WIPF1: variants seen among roughly 807,000 people sequenced by gnomAD.
The protein encoded by WIPF1 is WAS/WASL-interacting protein family member 1.
A neutral mutation model predicts 35.4 loss-of-function variants in WIPF1; 13 were observed. The observed-to-expected ratio is 0.37, with a 90% CI of 0.24 to 0.58. The LOEUF (loss-of-function observed/expected upper bound fraction) is 0.58. WIPF1 is among the 20% of genes least tolerant of loss of function. The pLI is 0.74. For synonymous variants in WIPF1, 267 were observed against 266.3 expected (o/e 1.00, Z -0.02); for missense variants, 591 against 667.0 (o/e 0.89, Z 1.25).
At chr2:174,647,496 C>T (rs1299295274) in intron 1 of WIPF1, among the ~76,000 whole-genome samples, 1 of 152,036 alleles carries the variant, frequency 6.6e-6, no homozygotes, top group African/African-American at 2.4e-5. Flanking sequence ...GCCTCAGCCT[C>T]CTGAGTAGCT....
intron 1 of WIPF1, among the ~76,000 whole-genome samples, chr2:174,682,598 G>A (rs1312672087): frequency 6.6e-6 from 1 of 151,598 alleles, no homozygotes; most frequent in Admixed American, 6.6e-5. Context: ...GAGGCCGCGC[G>A]CCCGCGCCCA....
At chr2:174,643,716 A>G (rs1687345247) in intron 1 of WIPF1, among the ~76,000 whole-genome samples, 1 of 151,944 alleles carries the variant, frequency 6.6e-6, no homozygotes, top group Non-Finnish European at 1.5e-5. Context: ...GGCCTGTATT[A>G]TTTTATTTGT....
At chr2:174,595,107 AAAATATATATATATATAT>A (rs1395148956) in intron 1 of WIPF1, among the ~76,000 whole-genome samples, 1 of 37,874 alleles carries the variant, frequency 2.6e-5, no homozygotes, top group African/African-American at 9.8e-5. Flanking sequence ...AAAAAAAAAA[AAAATATATATATATATAT>A]ATATATATAT....
intron 1 of WIPF1, among the ~76,000 whole-genome samples, chr2:174,677,707 C>T (rs957861143): frequency 3.3e-5 from 5 of 152,140 alleles, no homozygotes; most frequent in African/African-American, 1.2e-4. Flanking sequence ...TTCGACTTTT[C>T]AGCAAGCAAT....
chr2:174,613,030 G>A (rs34565488), intron 1 of WIPF1, among the ~76,000 whole-genome samples: 43,643 of 152,130 alleles, frequency 0.29, 6,441 homozygotes, highest in Middle Eastern at 0.4. Context: ...TGTAAGAAAT[G>A]TTTCTATCCC....
chr2:174,610,008 G>A (rs1686293965), intron 1 of WIPF1, among the ~76,000 whole-genome samples: 1 of 152,140 alleles, frequency 6.6e-6, no homozygotes, highest in African/African-American at 2.4e-5. Context: ...TGTTCTACTC[G>A]AATGACCCCA....
At chr2:174,650,073 T>C (rs1004146653) in intron 1 of WIPF1, among the ~76,000 whole-genome samples, 1 of 152,188 alleles carries the variant, frequency 6.6e-6, no homozygotes, top group African/African-American at 2.4e-5. Flanking sequence ...TTTGGGGTTT[T>C]GTCAACACTT....
In WIPF1 at chr2:174,650,977, A is replaced by G. The variant is rs148262723; in HGVS notation, c.-39+31797T>C. On this transcript the variant is annotated intron_variant, in intron 1 of 8. Transcript: ENST00000272746. The stretch of plus-strand genomic sequence containing the variant: ...TCTAGGAACACAACTTTTGATTCAC[A>G]GGGAATTGGCTTTCGCATTGCTTGT... 5.2e-4 allele frequency among the ~76,000 whole-genome samples: 79 copies of G among 152,384 alleles called. 1 individual carries two copies. The highest frequency in any genetic ancestry group is 1.8e-3 in the African/African-American group (76 of 41,592).
At chr2:174,565,893 A>AT (rs145392775) in intron 7 of WIPF1, among the ~76,000 whole-genome samples, 40,359 of 150,720 alleles carry the variant, frequency 0.27, 6,082 homozygotes, top group Non-Finnish European at 0.35. Flanking sequence ...TTTTATTTTT[A>AT]TTTTTTTTGA....
chr2:174,574,863 A>G (rs899554694), intron 4 of WIPF1: 2 of 717,294 alleles, frequency 2.8e-6, no homozygotes, highest in Admixed American at 2.0e-5. Flanking sequence ...AGAAAGCTGA[A>G]TCTGTCAGGT....
Position 174,562,423 on chromosome 2 carries a change from C to T in WIPF1, c.*124G>A, listed in dbSNP as rs999578037. ...CACCCACACACGCATATTCCCACTC[C>T]CCCTCCCACCTTTCCTCCTGCCCAT... On this transcript the variant is annotated 3_prime_UTR_variant, in exon 8 of 8. Coordinates refer to ENST00000679041, the MANE Select transcript of WIPF1 (RefSeq NM_001375834.1). The T allele has an allele frequency of 2.6e-6, 4 of 1,549,698 alleles. No individual in the cohort carries two copies. The highest frequency in any genetic ancestry group is 2.6e-6 in the Non-Finnish European group (3 of 1,145,634).
chr2:174,586,150 G>T (rs1411619033), intron 1 of WIPF1, among the ~76,000 whole-genome samples: 1 of 152,180 alleles, frequency 6.6e-6, no homozygotes, highest in Non-Finnish European at 1.5e-5. Context: ...AGAGGGCATG[G>T]AGAATGTCAG....
chr2:174,608,009 C>T lies in WIPF1; in HGVS notation c.-38-22398G>A, dbSNP rs568222923. 2.6e-5 allele frequency among the ~76,000 whole-genome samples: 4 copies of T among 152,288 alleles called. No individual in the cohort carries two copies. In the East Asian group the frequency reaches 7.7e-4, roughly 29 times the overall value. ...TAAAGTGGAAATTGTTAGATTTGCT[C>T]TCCAAAAAGACCTGGGGAGGCTCTT... On this transcript the variant is annotated intron_variant, in intron 1 of 8. Transcript: ENST00000272746.
Position 174,606,456 on chromosome 2 carries a change from G to A in WIPF1, c.-38-20845C>T, listed in dbSNP as rs373603885. ...CTTTACTACTGGCAGCACTTCAAGT[G>A]CTCCAGAGCCACTACCACACTGGGC... On this transcript the variant is annotated intron_variant, in intron 1 of 8. Coordinates refer to the WIPF1 transcript ENST00000272746. 2.6e-5 allele frequency among the ~76,000 whole-genome samples: 4 copies of A among 152,164 alleles called. No individual in the cohort carries two copies. In the East Asian group the frequency reaches 5.8e-4, roughly 22 times the overall value.
At position 174,666,177 on chromosome 2, in the gene WIPF1, A is replaced by G. The variant is rs568548431; in HGVS notation, c.-39+16597T>C. ...TGCCTGTAGTACCAGCTACTTGGGAAGCTGAGGCAGGAGGATTCCTTGGCT... is the reference window on the plus strand; with the variant it reads ...TGCCTGTAGTACCAGCTACTTGGGAGGCTGAGGCAGGAGGATTCCTTGGCT... On this transcript the variant is annotated intron_variant, in intron 1 of 8. Transcript: ENST00000272746. 5.9e-5 allele frequency among the ~76,000 whole-genome samples: 9 copies of G among 152,302 alleles called. No homozygotes were observed. In the East Asian group the frequency reaches 1.4e-3, roughly 23 times the overall value.
chr2:174,660,452 G>T (rs1274607543), intron 1 of WIPF1, among the ~76,000 whole-genome samples: 1 of 152,208 alleles, frequency 6.6e-6, no homozygotes, highest in Admixed American at 6.5e-5. Context: ...TTACTTGGCA[G>T]GTAGTCAACA....
chr2:174,659,596 G>A (rs1231398256), intron 1 of WIPF1, among the ~76,000 whole-genome samples: 1 of 152,154 alleles, frequency 6.6e-6, no homozygotes, highest in Non-Finnish European at 1.5e-5. Context: ...GAGGATCATA[G>A]TTTCAGGACT....
At chr2:174,677,716 A>G (rs989363963) in intron 1 of WIPF1, among the ~76,000 whole-genome samples, 1 of 152,234 alleles carries the variant, frequency 6.6e-6, no homozygotes, top group Non-Finnish European at 1.5e-5. Context: ...TCAGCAAGCA[A>G]TGATGATCAA....
chr2:174,643,430 T>A (rs1265001446), intron 1 of WIPF1, among the ~76,000 whole-genome samples: 2 of 149,132 alleles, frequency 1.3e-5, no homozygotes, highest in East Asian at 3.8e-4. Context: ...TGTGTGTGTG[T>A]GAGACAGAGT....
Sources: allele counts gnomAD v4.1 joint callset (sites outside exome capture counted in the v4.1 genomes callset), GRCh38; gene constraint gnomAD v4.1.1; transcripts MANE v1.5; gene names NCBI Gene and HGNC (gene_info 2026-07-23, HGNC 2026-07-21).